The following PCDHA2 variants were observed in gnomAD, a reference collection of about 807,000 sequenced individuals.
PCDHA2 encodes protocadherin alpha-2.
A neutral mutation model predicts 66.0 loss-of-function variants in PCDHA2; 58 were observed. The observed-to-expected ratio is 0.88, with a 90% CI of 0.71 to 1.09. PCDHA2 has a LOEUF of 1.09. Ranked by LOEUF, PCDHA2 falls within the 50% of genes least tolerant of loss-of-function variation. The pLI is 0.00. For missense variants in PCDHA2, 1,267 were observed against 1,242.3 expected, an observed-to-expected ratio of 1.02 and a Z score of -0.30; for synonymous variants, 634 against 554.0, an observed-to-expected ratio of 1.14 and a Z score of -2.03.
At chr5:140,804,913 T>A in intron 1 of PCDHA2, 1 of 914,444 alleles carries the variant, frequency 1.1e-6, no homozygotes, top group Non-Finnish European at 1.5e-6. Context: ...TTTTCTTTAT[T>A]TCCTTTTTTG....
At chr5:140,843,733 T>C (rs2150365726) in intron 1 of PCDHA2, 1 of 1,549,552 alleles carries the variant, frequency 6.5e-7, no homozygotes. Flanking sequence ...CATTTAAATT[T>C]AGAACTCATA....
intron 1 of PCDHA2, among the ~76,000 whole-genome samples, chr5:140,833,634 A>G (rs2150122696): frequency 6.6e-6 from 1 of 152,310 alleles, no homozygotes; most frequent in African/African-American, 2.4e-5. Flanking sequence ...TTCCTCCTCA[A>G]AAAGTTCACA....
chr5:140,942,995 G>A (rs933167090), intron 1 of PCDHA2, among the ~76,000 whole-genome samples: 7 of 152,042 alleles, frequency 4.6e-5, no homozygotes, highest in African/African-American at 1.2e-4. Context: ...GGTGGCTCAT[G>A]CCTGTAATCC....
chr5:140,959,085 G>A (rs1286885776), intron 1 of PCDHA2, among the ~76,000 whole-genome samples: 8 of 151,980 alleles, frequency 5.3e-5, no homozygotes, highest in African/African-American at 1.9e-4. Flanking sequence ...ATTATCCTTG[G>A]TTTCGGACAT....
At position 140,937,140 on chromosome 5, in the gene PCDHA2, C is replaced by T. The variant is rs553273845; in HGVS notation, c.2389-41809C>T. Among the ~76,000 whole-genome samples, 820 of 151,358 alleles carry T rather than the reference C, an allele frequency of 5.4e-3. 1 individual carries two copies. The highest frequency in any genetic ancestry group is 0.019 in the African/African-American group (789 of 41,228). On this transcript the variant is annotated intron_variant, in intron 1 of 3. Transcript: ENST00000526136. Reference sequence around the variant, plus strand: ...GCAAGCTCCGCCTCCCGGGTTCATGCCATTCTCCTGCCTCAGCCTCCCGAG... The same window carrying T: ...GCAAGCTCCGCCTCCCGGGTTCATGTCATTCTCCTGCCTCAGCCTCCCGAG...
chr5:140,870,903 A>G lies in PCDHA2; in HGVS notation c.2388+73551A>G, dbSNP rs182770106. On this transcript the variant is annotated intron_variant, in intron 1 of 3. Transcript: ENST00000526136. ...AGGTGCGCGCAGTGGATGCGGACTC[A>G]GGCTACAACGCGTGGCTTTCATATG... The G allele has an allele frequency of 1.9e-6, 3 of 1,613,930 alleles. No individual in the cohort carries two copies. In the East Asian group the frequency reaches 6.7e-5, roughly 36 times the overall value.
chr5:140,854,460 A>G (rs2043130450), intron 1 of PCDHA2: 1 of 150,030 alleles, frequency 6.7e-6, no homozygotes, highest in Non-Finnish European at 1.5e-5. Context: ...GAGGCATTCC[A>G]GAGGAGTAGA....
intron 1 of PCDHA2, among the ~76,000 whole-genome samples, chr5:140,885,980 C>T (rs888571995): frequency 6.6e-6 from 1 of 151,942 alleles, no homozygotes; most frequent in African/African-American, 2.4e-5. Flanking sequence ...ATTATAGATT[C>T]GCATGTGGTT....
chr5:140,811,757 T>C (rs2126631461), intron 1 of PCDHA2: 7 of 152,396 alleles, frequency 4.6e-5, no homozygotes, highest in African/African-American at 4.8e-5. Flanking sequence ...CCAGTGATGA[T>C]GGGCATTTTT....
At chr5:140,842,617 G>A (rs2150340722) in intron 1 of PCDHA2, 15 of 1,572,174 alleles carry the variant, frequency 9.5e-6, no homozygotes, top group South Asian at 7.8e-5. Context: ...ACGGGGGCTC[G>A]CCTTCGCTGT....
At chr5:140,909,972 T>C (rs948733470) in intron 1 of PCDHA2, among the ~76,000 whole-genome samples, 1 of 152,220 alleles carries the variant, frequency 6.6e-6, no homozygotes. Context: ...TGGGGAAGGA[T>C]GGGAGAAAGA....
At chr5:140,821,538 C>G (rs966237749) in intron 1 of PCDHA2, 2 of 468,182 alleles carry the variant, frequency 4.3e-6, no homozygotes, top group Non-Finnish European at 7.4e-6. Context: ...AAAACACTTA[C>G]CCTTTCATCC....
chr5:140,794,918 T>C lies in PCDHA2; in HGVS notation c.-47T>C, dbSNP rs1761892673. 6.5e-7 allele frequency: 1 copy of C among 1,544,836 alleles called. No individual in the cohort carries two copies. The highest frequency in any genetic ancestry group is 8.7e-7 in the Non-Finnish European group (1 of 1,146,874). On this transcript the variant is annotated 5_prime_UTR_variant, in exon 1 of 4. Coordinates refer to ENST00000526136, the MANE Select transcript of PCDHA2 (RefSeq NM_018905.3). ...AACAGAGACTAGAATATTTAAATTT[T>C]TGCAAAACATGCTCTTCTAATTTGA...
intron 1 of PCDHA2, chr5:140,828,179 C>T (rs1377583653): frequency 4.3e-6 from 7 of 1,614,050 alleles, no homozygotes; most frequent in Non-Finnish European, 5.1e-6. Flanking sequence ...GGGGAGCGGC[C>T]AGCTCCACTA....
intron 1 of PCDHA2, chr5:140,805,413 G>A: frequency 9.4e-7 from 1 of 1,067,844 alleles, no homozygotes; most frequent in Non-Finnish European, 1.1e-6. Context: ...AAATTTGGTG[G>A]GTTTTTTGTT....
intron 1 of PCDHA2, among the ~76,000 whole-genome samples, chr5:140,900,657 C>T (rs116775770): frequency 0.011 from 1,723 of 152,294 alleles, 23 homozygotes; most frequent in African/African-American, 0.039. Context: ...CTGCAATGAA[C>T]AATGGGAGTG....
At position 140,824,079 on chromosome 5, in the gene PCDHA2, C is replaced by T. The variant is rs149846106; in HGVS notation, c.2388+26727C>T. ...GGGAAGCTCCACCCAAAACAGACCT[C>T]ATGGCCTTCAGTCCAAGCCTTCCTC... is the stretch of plus-strand genomic sequence containing the variant. On this transcript the variant is annotated intron_variant, in intron 1 of 3. Transcript: ENST00000526136. 4.4e-5 allele frequency: 71 copies of T among 1,614,220 alleles called. No individual in the cohort carries two copies. The South Asian group carries it at 7.6e-4, about 17-fold the overall frequency.
intron 1 of PCDHA2, among the ~76,000 whole-genome samples, chr5:140,973,273 C>T (rs1180418925): frequency 6.6e-6 from 1 of 152,150 alleles, no homozygotes; most frequent in Non-Finnish European, 1.5e-5. Context: ...ACTTTTATTT[C>T]CCCCAGCACT....
At chr5:140,816,652 G>C (rs1285139152) in intron 1 of PCDHA2, 2 of 152,050 alleles carry the variant, frequency 1.3e-5, no homozygotes, top group African/African-American at 4.8e-5. Context: ...ACCTCTTCCA[G>C]TCTTTATGGA....
Sources: gnomAD v4.1 joint callset for allele counts (sites outside exome capture counted in the v4.1 genomes callset) on GRCh38, gnomAD v4.1.1 for gene constraint, MANE v1.5 for transcripts, NCBI Gene and HGNC (gene_info 2026-07-23, HGNC 2026-07-21) for gene names.